PAM: variants seen among roughly 807,000 people sequenced by gnomAD.
PAM encodes peptidyl-glycine alpha-amidating monooxygenase.
PAM carries 72 observed loss-of-function variants against 122.1 expected under a neutral mutation model. The ratio of observed to expected loss-of-function variants is 0.59; its 90% CI spans 0.49 to 0.72. PAM has a LOEUF of 0.72. Among genes scored for constraint, PAM ranks in the 30% least tolerant of loss-of-function variants. The pLI is 0.00. For missense variants in PAM, 1,106 were observed against 1,183.7 expected, an observed-to-expected ratio of 0.93 and a Z score of 0.96; for synonymous variants, 389 against 404.4, an observed-to-expected ratio of 0.96 and a Z score of 0.46.
Position 102,900,254 on chromosome 5 carries a change from TG to T in PAM, c.211-1092del, listed in dbSNP as rs140960589. ...CTTCAGGTCTCTTAATGTGTGTGTG[TG>T]GGGGGGGGGCGGGGGGAAGAGGGTA... On this transcript the variant is annotated intron_variant, in intron 3 of 25. Coordinates refer to ENST00000438793, the MANE Select transcript of PAM (RefSeq NM_001177306.2). Among the ~76,000 whole-genome samples the T allele has an allele frequency of 4.4e-3, 118 of 26,976 alleles. 1 individual carries two copies. Among genetic ancestry groups the T allele is most frequent in the Admixed American group, 0.012 (34 of 2,840 alleles). 17.7% of individuals were successfully genotyped at this position (26,976 alleles called of 152,430 possible). A position where few individuals can be genotyped will look rare whatever the true frequency, so the allele number is the denominator to read the frequency against.
intron 1 of PAM, among the ~76,000 whole-genome samples, chr5:102,827,483 G>GT (rs1561553183): frequency 6.6e-6 from 1 of 151,906 alleles, no homozygotes; most frequent in African/African-American, 2.4e-5. Context: ...ATTTTCTTCT[G>GT]TTTTTAATTT....
intron 1 of PAM, among the ~76,000 whole-genome samples, chr5:102,786,813 C>G (rs1175705524): frequency 6.6e-6 from 1 of 152,034 alleles, no homozygotes; most frequent in Non-Finnish European, 1.5e-5. Flanking sequence ...AAACAAGTAA[C>G]TTACTACTCT....
At chr5:102,979,703 C>A (rs1473958186) in intron 15 of PAM, among the ~76,000 whole-genome samples, 1 of 151,952 alleles carries the variant, frequency 6.6e-6, no homozygotes, top group Non-Finnish European at 1.5e-5. Context: ...CATGTGAATG[C>A]AACAGTGATC....
At chr5:102,947,863 G>A (rs1330380153) in intron 8 of PAM, among the ~76,000 whole-genome samples, 2 of 151,954 alleles carry the variant, frequency 1.3e-5, no homozygotes, top group Non-Finnish European at 2.9e-5. Context: ...GTAAGGGATT[G>A]GCTGACACTA....
chr5:103,000,454 A>G (rs986000891), intron 16 of PAM, among the ~76,000 whole-genome samples: 1 of 152,050 alleles, frequency 6.6e-6, no homozygotes, highest in Admixed American at 6.6e-5. Flanking sequence ...GAGCCCTCCA[A>G]ATTGTTCTAA....
rs187510744 is a variant in PAM, at chr5:102,964,663, G to A, written c.1162+3434G>A. ...ATAAATATACAAATAGAAATCATCC[G>A]TAGTCCCCAGAAACATGAGTACATA... On this transcript the variant is annotated intron_variant, in intron 14 of 25. Coordinates refer to ENST00000438793, the MANE Select transcript of PAM (RefSeq NM_001177306.2). 2.1e-3 allele frequency among the ~76,000 whole-genome samples: 321 copies of A among 151,734 alleles called. 3 individuals are homozygous for A. Among genetic ancestry groups the A allele is most frequent in the African/African-American group, 7.5e-3 (311 of 41,454 alleles).
rs116347322 is a variant in PAM at position 103,009,015 on chromosome 5, A to G, written c.2216-736A>G. ...TTCAAGAATGATGAAAATATCTTCA[A>G]TGGTGGCTTAGCATTGTGTATAATT... On this transcript the variant is annotated intron_variant, in intron 20 of 25. Coordinates refer to ENST00000438793, the MANE Select transcript of PAM (RefSeq NM_001177306.2). 3.4e-3 allele frequency among the ~76,000 whole-genome samples: 512 copies of G among 152,256 alleles called. 1 individual carries two copies. Among genetic ancestry groups the G allele is most frequent in the African/African-American group, 0.012 (489 of 41,570 alleles).
intron 3 of PAM, among the ~76,000 whole-genome samples, chr5:102,896,185 T>C (rs993002087): frequency 4.6e-5 from 7 of 151,704 alleles, no homozygotes; most frequent in African/African-American, 1.4e-4. Flanking sequence ...CTCACCAAAA[T>C]ATTTTTCCCT....
chr5:102,849,065 T>C (rs546797540), intron 1 of PAM, among the ~76,000 whole-genome samples: 3 of 151,902 alleles, frequency 2.0e-5, no homozygotes, highest in Admixed American at 6.6e-5. Context: ...AAATAAACTA[T>C]AAAAAATCAG....
chr5:102,829,700 A>G (rs1242213382), intron 1 of PAM, among the ~76,000 whole-genome samples: 2 of 152,148 alleles, frequency 1.3e-5, no homozygotes, highest in Non-Finnish European at 2.9e-5. Context: ...TGTGGTTAGA[A>G]AATTGTATTT....
chr5:102,905,966 G>A (rs1410993041), intron 4 of PAM, among the ~76,000 whole-genome samples: 1 of 151,614 alleles, frequency 6.6e-6, no homozygotes, highest in Non-Finnish European at 1.5e-5. Context: ...TATAGTAGAG[G>A]TTTTGATGAG....
At chr5:102,763,300 T>A (rs1162983811) in intron 1 of PAM, among the ~76,000 whole-genome samples, 1 of 152,214 alleles carries the variant, frequency 6.6e-6, no homozygotes, top group Non-Finnish European at 1.5e-5. Flanking sequence ...AAAAATTTTT[T>A]ATCTATGTAT....
intron 16 of PAM, among the ~76,000 whole-genome samples, chr5:102,992,165 G>T (rs3776863): frequency 4.0e-5 from 6 of 151,714 alleles, no homozygotes; most frequent in Non-Finnish European, 5.9e-5. Context: ...TAGGTAACCA[G>T]GATCCTGTGG....
At chr5:102,961,111 G>A (rs1649256842) in intron 13 of PAM, 47 bp from the exon 14 acceptor site, 2 of 926,504 alleles carry the variant, frequency 2.2e-6, no homozygotes, top group African/African-American at 3.3e-5. Context: ...TTTTAAGTAT[G>A]TAATACATAC....
chr5:102,937,115 T>G (rs6871107), intron 7 of PAM, among the ~76,000 whole-genome samples: 2,217 of 152,272 alleles, frequency 0.015, 51 homozygotes, highest in African/African-American at 0.052. Context: ...CTTAACTTTT[T>G]CACAAAATTT....
At chr5:102,860,944 A>AT (rs1784010516) in intron 1 of PAM, among the ~76,000 whole-genome samples, 1 of 152,076 alleles carries the variant, frequency 6.6e-6, no homozygotes, top group Admixed American at 6.5e-5. Flanking sequence ...GGTGGGGCTG[A>AT]CCTGTATAGC....
intron 4 of PAM, among the ~76,000 whole-genome samples, chr5:102,909,615 G>A (rs1033603393): frequency 6.6e-6 from 1 of 151,798 alleles, no homozygotes; most frequent in African/African-American, 2.4e-5. Flanking sequence ...TGACCAAGAT[G>A]TTGATGGGGG....
intron 1 of PAM, among the ~76,000 whole-genome samples, chr5:102,798,268 A>G (rs1763865279): frequency 6.6e-6 from 1 of 152,210 alleles, no homozygotes; most frequent in South Asian, 2.1e-4. Context: ...ATCACAATGT[A>G]AAGAGTTCTG....
chr5:102,775,776 T>C (rs1219775725), intron 1 of PAM, among the ~76,000 whole-genome samples: 3 of 152,198 alleles, frequency 2.0e-5, no homozygotes, highest in African/African-American at 7.2e-5. Context: ...GTCTTTGCTA[T>C]TGTGAATAGT....
Sources: gnomAD v4.1 joint callset for allele counts (sites outside exome capture counted in the v4.1 genomes callset) on GRCh38, gnomAD v4.1.1 for gene constraint, MANE v1.5 for transcripts, NCBI Gene and HGNC (gene_info 2026-07-23, HGNC 2026-07-21) for gene names.